Variants in ELMOD1 observed in about 807,000 individuals in gnomAD.
ELMOD1 encodes the protein ELMO domain containing 1, also known as ELMO domain-containing protein 1.
ELMOD1 carries 21 observed loss-of-function variants against 46.7 expected under a neutral mutation model. That is an observed-to-expected ratio of 0.45 (90% CI 0.32 to 0.65). The LOEUF (loss-of-function observed/expected upper bound fraction) is 0.65, where lower values mean the gene tolerates loss of function less well. ELMOD1 is among the 30% of genes least tolerant of loss of function. The pLI is 0.04. For missense variants in ELMOD1, 348 were observed against 407.8 expected, an observed-to-expected ratio of 0.85 and a Z score of 1.26; for synonymous variants, 122 against 138.2, an observed-to-expected ratio of 0.88 and a Z score of 0.82.
intron 6 of ELMOD1, among the ~76,000 whole-genome samples, chr11:107,647,145 G>A (rs1158322641): frequency 6.6e-6 from 1 of 152,172 alleles, no homozygotes; most frequent in Non-Finnish European, 1.5e-5. Flanking sequence ...GACAATGAGA[G>A]CGAAAAGGCA....
chr11:107,660,306 A>AAAATATAATATAATATTAT (rs1866716020), intron 11 of ELMOD1, among the ~76,000 whole-genome samples: 1 of 152,184 alleles, frequency 6.6e-6, no homozygotes, highest in Non-Finnish European at 1.5e-5. Flanking sequence ...ATCTAGGTAG[A>AAAATATAATATAATATTAT]AGAATAGAAG....
At chr11:107,591,463 G>A in intron 1 of ELMOD1, 54 bp downstream of exon 1, 1 of 193,556 alleles carries the variant, frequency 5.2e-6, no homozygotes, top group Non-Finnish European at 1.1e-5. Context: ...CCCTTGGGGA[G>A]GAGAGAGGTG....
At chr11:107,643,121 C>A in intron 6 of ELMOD1, 1 of 188,474 alleles carries the variant, frequency 5.3e-6, no homozygotes, top group Non-Finnish European at 1.1e-5. Context: ...ACCAGCAGAT[C>A]ACTTGAGGTC....
At position 107,655,975 on chromosome 11, in the gene ELMOD1, A is replaced by C. The variant is rs551025467; in HGVS notation, c.741A>C (p.Ala247=). ...AIVGINITDL[A]YNLLVSGALK... is the part of the protein sequence containing the mutation. ...TGGGCATCAATATAACTGACCTGGCATATAATCTACTGGTCAGCGGAGCTC... is the reference window on the plus strand; with the variant it reads ...TGGGCATCAATATAACTGACCTGGCCTATAATCTACTGGTCAGCGGAGCTC... The change falls in exon 11 of 12, where the codon GCA becomes GCC. Residue 247 remains alanine (A), a synonymous_variant. Coordinates refer to ENST00000265840, the MANE Select transcript of ELMOD1 (RefSeq NM_018712.4). 3 of 1,601,048 alleles carry C rather than the reference A, an allele frequency of 1.9e-6. No individual in the cohort carries two copies. The highest frequency in any genetic ancestry group is 2.2e-5 in the South Asian group (2 of 88,968).
intron 1 of ELMOD1, among the ~76,000 whole-genome samples, chr11:107,605,188 T>G (rs1317747236): frequency 2.0e-5 from 3 of 150,890 alleles, no homozygotes; most frequent in Non-Finnish European, 4.4e-5. Context: ...ATGAATTTTC[T>G]TTCTTTTTTT....
At chr11:107,624,152 C>CT (rs1157285641) in intron 2 of ELMOD1, among the ~76,000 whole-genome samples, 1 of 152,074 alleles carries the variant, frequency 6.6e-6, no homozygotes, top group East Asian at 1.9e-4. Context: ...TGAATAATAC[C>CT]TTTGATGACT....
At chr11:107,592,046 G>A (rs544736522) in intron 1 of ELMOD1, 1 of 476,776 alleles carries the variant, frequency 2.1e-6, no homozygotes, top group Admixed American at 2.1e-5. Flanking sequence ...GACAGCTGAC[G>A]GGGCTGTTAA....
chr11:107,642,734 A>AT (rs1286624512), intron 6 of ELMOD1, among the ~76,000 whole-genome samples: 1 of 152,166 alleles, frequency 6.6e-6, no homozygotes, highest in Admixed American at 6.5e-5. Context: ...ACTTTAAAAA[A>AT]TTTTCCCATT....
At chr11:107,600,123 C>T (rs567685783) in intron 1 of ELMOD1, among the ~76,000 whole-genome samples, 2 of 152,058 alleles carry the variant, frequency 1.3e-5, no homozygotes, top group Non-Finnish European at 2.9e-5. Flanking sequence ...ATCATCAAAT[C>T]ATGACCAATG....
At chr11:107,648,682 G>T (rs1390566673) in intron 7 of ELMOD1, among the ~76,000 whole-genome samples, 1 of 152,030 alleles carries the variant, frequency 6.6e-6, no homozygotes, top group Non-Finnish European at 1.5e-5. Context: ...TGAAATATAG[G>T]CAGGACAGAT....
intron 1 of ELMOD1, among the ~76,000 whole-genome samples, chr11:107,596,999 T>G (rs868248281): frequency 3.3e-4 from 50 of 152,168 alleles, no homozygotes; most frequent in African/African-American, 1.2e-3. Context: ...AGAAATGAGA[T>G]CTGGAATGTA....
chr11:107,639,879 A>C (rs1001547560), intron 6 of ELMOD1, among the ~76,000 whole-genome samples: 1 of 152,282 alleles, frequency 6.6e-6, no homozygotes, highest in East Asian at 1.9e-4. Flanking sequence ...ACCATTTCTC[A>C]GATCTGAAGT....
chr11:107,592,666 C>A (rs1270160542), intron 1 of ELMOD1: 4 of 231,238 alleles, frequency 1.7e-5, no homozygotes, highest in African/African-American at 9.0e-5. Context: ...GGAGGTATTT[C>A]TCTCATCTTA....
chr11:107,661,181 C>G (rs1055812732), intron 11 of ELMOD1, among the ~76,000 whole-genome samples: 1 of 152,128 alleles, frequency 6.6e-6, no homozygotes, highest in Middle Eastern at 3.2e-3. Context: ...AGGAAGAATC[C>G]TGAGCATGGC....
In ELMOD1 at chr11:107,622,478, A is replaced by T. The variant is rs553962408; in HGVS notation, c.17+4272A>T. On this transcript the variant is annotated intron_variant, in intron 2 of 11. Transcript: ENST00000265840. ...AGAGGAAGGAGAATCGGATAAAAAT[A>T]TCTTTTCCCCTTCTAACATGTCTGG... Among the ~76,000 whole-genome samples the T allele has an allele frequency of 1.6e-4, 25 of 152,370 alleles. No homozygotes were observed. In the East Asian group the frequency reaches 4.8e-3, roughly 29 times the overall value.
intron 11 of ELMOD1, among the ~76,000 whole-genome samples, chr11:107,662,330 G>A (rs1296284374): frequency 6.6e-6 from 1 of 152,124 alleles, no homozygotes; most frequent in African/African-American, 2.4e-5. Context: ...GTTTTTTGTG[G>A]GCAGGCACAG....
chr11:107,643,371 A>G (rs1243072647), intron 6 of ELMOD1: 1 of 197,982 alleles, frequency 5.1e-6, no homozygotes, highest in Non-Finnish European at 1.0e-5. Flanking sequence ...CATCTAGGAA[A>G]AAAAAAAAAA....
At chr11:107,622,201 G>C (rs1335735524) in intron 2 of ELMOD1, among the ~76,000 whole-genome samples, 1 of 152,196 alleles carries the variant, frequency 6.6e-6, no homozygotes, top group East Asian at 1.9e-4. Flanking sequence ...TTGAGAGAAA[G>C]GAAGGACTAG....
At chr11:107,614,632 C>T (rs959721720) in intron 1 of ELMOD1, among the ~76,000 whole-genome samples, 4 of 152,174 alleles carry the variant, frequency 2.6e-5, no homozygotes, top group African/African-American at 9.7e-5. Flanking sequence ...CCACCATGCC[C>T]GGCCCAGAGT....
Sources: gnomAD v4.1 joint callset for allele counts (sites outside exome capture counted in the v4.1 genomes callset) on GRCh38, gnomAD v4.1.1 for gene constraint, MANE v1.5 for transcripts, NCBI Gene and HGNC (gene_info 2026-07-23, HGNC 2026-07-21) for gene names.